Variants in AFTPH observed in about 807,000 individuals in gnomAD.
AFTPH encodes the protein aftiphilin.
A neutral mutation model predicts 72.5 loss-of-function variants in AFTPH; 7 were observed. The observed-to-expected ratio is 0.10, with a 90% CI of 0.05 to 0.18. The LOEUF is 0.18. Ranked by LOEUF, AFTPH falls within the 10% of genes least tolerant of loss-of-function variation. The pLI is 1.00. For missense variants in AFTPH, 979 were observed against 1,060.5 expected (o/e 0.92, Z 1.07); for synonymous variants, 337 against 370.1 (o/e 0.91, Z 1.03).
intron 7 of AFTPH, among the ~76,000 whole-genome samples, chr2:64,582,710 T>C (rs1673280178): frequency 6.6e-6 from 1 of 152,250 alleles, no homozygotes; most frequent in Non-Finnish European, 1.5e-5. Context: ...AAATTTGCTC[T>C]CAGCTTTGTT....
intron 6 of AFTPH, among the ~76,000 whole-genome samples, chr2:64,573,875 A>T (rs922085145): frequency 2.0e-5 from 3 of 152,060 alleles, no homozygotes; most frequent in African/African-American, 7.2e-5. Context: ...CCAGGCTGGT[A>T]TTGAACTTAT....
chr2:64,553,137 T>C, exon 2 of AFTPH: 1 of 1,614,206 alleles, frequency 6.2e-7, no homozygotes, highest in Non-Finnish European at 8.5e-7. Context: ...TTTTCAAGAC[T>C]CTGATGATTT....
At chr2:64,525,838 A>G (rs1669229020) in intron 1 of AFTPH, among the ~76,000 whole-genome samples, 1 of 152,246 alleles carries the variant, frequency 6.6e-6, no homozygotes, top group Admixed American at 6.5e-5. Context: ...TAAACAAAGT[A>G]TCTGTGGTAG....
chr2:64,551,725 T>C (rs749003985), exon 2 of AFTPH: 1 of 1,613,714 alleles, frequency 6.2e-7, no homozygotes, highest in Admixed American at 1.7e-5. Flanking sequence ...TTTAAGTCCA[T>C]TAAAAATGGT....
chr2:64,543,978 A>G (rs535667982), intron 1 of AFTPH, among the ~76,000 whole-genome samples: 1 of 152,294 alleles, frequency 6.6e-6, no homozygotes, highest in Non-Finnish European at 1.5e-5. Context: ...CATCCTGGCT[A>G]CTAATCTGGC....
chr2:64,544,096 A>G (rs989710724), intron 1 of AFTPH, among the ~76,000 whole-genome samples: 4 of 152,078 alleles, frequency 2.6e-5, no homozygotes, highest in Non-Finnish European at 5.9e-5. Context: ...AAACCCTCTG[A>G]TTTTCCTGGT....
chr2:64,563,456 A>G (rs559684984), intron 2 of AFTPH, among the ~76,000 whole-genome samples: 13 of 152,308 alleles, frequency 8.5e-5, no homozygotes, highest in African/African-American at 3.1e-4. Context: ...TCTGATCACA[A>G]TCTGTTTGGG....
chr2:64,584,035 A>AG (rs1434305472), intron 7 of AFTPH, among the ~76,000 whole-genome samples: 1 of 152,074 alleles, frequency 6.6e-6, no homozygotes, highest in Non-Finnish European at 1.5e-5. Flanking sequence ...CTGATCTTAC[A>AG]GGGCATTTTT....
chr2:64,563,762 C>T (rs997422609), intron 2 of AFTPH, among the ~76,000 whole-genome samples: 10 of 152,176 alleles, frequency 6.6e-5, no homozygotes, highest in African/African-American at 9.7e-5. Flanking sequence ...CCAGCCACCA[C>T]GCCCAGCTAA....
At chr2:64,565,616 C>A (rs1672034157) in intron 2 of AFTPH, among the ~76,000 whole-genome samples, 2 of 152,130 alleles carry the variant, frequency 1.3e-5, no homozygotes, top group Admixed American at 1.3e-4. Flanking sequence ...CAAACCATGA[C>A]CCACAGGACA....
chr2:64,559,904 C>A (rs990290240), intron 2 of AFTPH, among the ~76,000 whole-genome samples: 19 of 152,026 alleles, frequency 1.2e-4, no homozygotes, highest in African/African-American at 4.1e-4. Flanking sequence ...GGGATTTTGC[C>A]ATGTTGCCCA....
At chr2:64,530,692 A>G (rs559085661) in intron 1 of AFTPH, among the ~76,000 whole-genome samples, 1 of 152,346 alleles carries the variant, frequency 6.6e-6, no homozygotes, top group Non-Finnish European at 1.5e-5. Flanking sequence ...ACATATACAT[A>G]TGAATCATAT....
chr2:64,560,159 G>A (rs1234019015), intron 2 of AFTPH, among the ~76,000 whole-genome samples: 1 of 152,102 alleles, frequency 6.6e-6, no homozygotes, highest in Non-Finnish European at 1.5e-5. Flanking sequence ...CGTGCCAGTC[G>A]AGAAGCTCTG....
chr2:64,548,766 G>A (rs924869596), intron 1 of AFTPH, among the ~76,000 whole-genome samples: 7 of 152,226 alleles, frequency 4.6e-5, no homozygotes, highest in Middle Eastern at 3.4e-3. Context: ...ACTAGGCAAG[G>A]GAACAAAATA....
intron 6 of AFTPH, among the ~76,000 whole-genome samples, chr2:64,575,041 C>T (rs901095316): frequency 5.9e-5 from 9 of 152,188 alleles, no homozygotes; most frequent in Non-Finnish European, 8.8e-5. Context: ...GCTAGTTTTG[C>T]TTGCTTCCTC....
At chr2:64,552,493 C>T in exon 2 of AFTPH, 2 of 1,614,084 alleles carry the variant, frequency 1.2e-6, no homozygotes, top group Non-Finnish European at 1.7e-6. Context: ...TTGGTAGACT[C>T]AGCTGATAAT....
intron 2 of AFTPH, among the ~76,000 whole-genome samples, chr2:64,556,736 G>T (rs7562829): frequency 0.52 from 79,757 of 152,042 alleles, 23,863 homozygotes; most frequent in African/African-American, 0.84. Context: ...AAGAATTCTT[G>T]CAAAATTAAA....
At chr2:64,542,469 A>G (rs1221391843) in intron 1 of AFTPH, among the ~76,000 whole-genome samples, 1 of 152,178 alleles carries the variant, frequency 6.6e-6, no homozygotes, top group African/African-American at 2.4e-5. Context: ...TTACTTCAAG[A>G]TACCAGTGAG....
At chr2:64,591,468 G>T (rs1057156481) in intron 8 of AFTPH, among the ~76,000 whole-genome samples, 1 of 152,244 alleles carries the variant, frequency 6.6e-6, no homozygotes, top group African/African-American at 2.4e-5. Context: ...CTTTGTTTCA[G>T]GCTGAGGTAG....
Sources: allele counts gnomAD v4.1 joint callset (sites outside exome capture counted in the v4.1 genomes callset), GRCh38; gene constraint gnomAD v4.1.1; transcripts MANE v1.5; gene names NCBI Gene and HGNC (gene_info 2026-07-23, HGNC 2026-07-21).